The following PAK2 variants were observed in gnomAD, a reference collection of about 807,000 sequenced individuals.
PAK2 encodes the protein p21 (RAC1) activated kinase 2, also known as serine/threonine-protein kinase PAK 2.
A neutral mutation model predicts 65.9 loss-of-function variants in PAK2; 21 were observed. The observed-to-expected ratio is 0.32, with a 90% CI of 0.23 to 0.46. The LOEUF (loss-of-function observed/expected upper bound fraction) is 0.46. Ranked by LOEUF, PAK2 falls within the 20% of genes least tolerant of loss-of-function variation. The pLI is 1.00. For synonymous variants in PAK2, 204 were observed against 219.7 expected, an observed-to-expected ratio of 0.93 and a Z score of 0.63; for missense variants, 324 against 642.6, an observed-to-expected ratio of 0.50 and a Z score of 5.36.
intron 1 of PAK2, among the ~76,000 whole-genome samples, chr3:196,751,694 T>TATATATATA (rs1211217848): frequency 1.0e-3 from 47 of 45,530 alleles, no homozygotes; most frequent in Non-Finnish European, 1.6e-3. Context: ...TATATATATA[T>TATATATATA]AATTCAGGCT....
intron 1 of PAK2, among the ~76,000 whole-genome samples, chr3:196,764,567 C>T (rs1374494714): frequency 2.7e-5 from 4 of 149,832 alleles, no homozygotes; most frequent in Non-Finnish European, 5.9e-5. Flanking sequence ...TGCAGTGAGC[C>T]GAGATTGTGC....
At chr3:196,788,069 T>C (rs1034007680) in intron 2 of PAK2, among the ~76,000 whole-genome samples, 1 of 152,262 alleles carries the variant, frequency 6.6e-6, no homozygotes, top group African/African-American at 2.4e-5. Context: ...ATTTTCCCAC[T>C]GACATCCTAA....
chr3:196,812,156 T>C (rs1024141742), intron 8 of PAK2, 63 bp from the exon 9 acceptor site: 32 of 900,572 alleles, frequency 3.6e-5, no homozygotes, highest in Admixed American at 8.5e-5. Flanking sequence ...GTAAAGTCTT[T>C]GGATATTGCA....
chr3:196,754,678 A>G (rs1163285230), intron 1 of PAK2, among the ~76,000 whole-genome samples: 1 of 152,188 alleles, frequency 6.6e-6, no homozygotes, highest in Non-Finnish European at 1.5e-5. Context: ...TAAACCTCCC[A>G]GGAAGCAGTG....
chr3:196,759,489 G>GTTTTTTTTTTTTT lies in PAK2; in HGVS notation c.-22+19340_-22+19341insTTTTTTTTTTTTT, dbSNP rs1418582155. Among the ~76,000 whole-genome samples, 45 of 98,866 alleles carry GTTTTTTTTTTTTT rather than the reference G, an allele frequency of 4.6e-4. 2 individuals carry two copies. Among genetic ancestry groups the GTTTTTTTTTTTTT allele is most frequent in the South Asian group, 1.0e-3 (3 of 2,858 alleles). The allele number at this position is 98,866 out of a possible 152,430, so 64.9% of individuals were successfully genotyped here. On this transcript the variant is annotated intron_variant, in intron 1 of 14. Transcript: ENST00000327134. ...ACCCTTTAAGGTATACAGTTAAGTG[G>GTTTTTTTTTTTTT]TTTTTTTTGTTTTTTTTTTTTTTTT...
chr3:196,822,665 A>C (rs1184494524), intron 13 of PAK2, among the ~76,000 whole-genome samples: 3 of 152,072 alleles, frequency 2.0e-5, no homozygotes. Context: ...ACATCACTGC[A>C]CTCCAGCTTG....
At chr3:196,821,980 C>G (rs963121194) in intron 13 of PAK2, among the ~76,000 whole-genome samples, 2 of 152,206 alleles carry the variant, frequency 1.3e-5, no homozygotes, top group Non-Finnish European at 2.9e-5. Flanking sequence ...CGTGTTACAG[C>G]ATTGAACCTT....
chr3:196,775,485 C>T (rs529208374), intron 1 of PAK2, among the ~76,000 whole-genome samples: 14 of 152,238 alleles, frequency 9.2e-5, no homozygotes, highest in African/African-American at 3.4e-4. Context: ...CGGGTTCAAG[C>T]AATTCTCCTG....
At chr3:196,774,429 G>C (rs192494736) in intron 1 of PAK2, among the ~76,000 whole-genome samples, 1 of 152,198 alleles carries the variant, frequency 6.6e-6, no homozygotes, top group Non-Finnish European at 1.5e-5. Flanking sequence ...TGTGTAACTC[G>C]AGTTTAGAGG....
rs1713871725 is a variant in PAK2 at position 196,759,430 on chromosome 3, T to G, written c.-22+19273T>G. ...CTTTTCCTTAAAAATTCCTTAAATT[T>G]TAAAAAAACAGATATTCATATACAG... is the stretch of plus-strand genomic sequence containing the variant. On this transcript the variant is annotated intron_variant, in intron 1 of 14. Transcript: ENST00000327134. Among the ~76,000 whole-genome samples the G allele has an allele frequency of 2.7e-5, 4 of 150,826 alleles. No individual in the cohort carries two copies. In the South Asian group the frequency reaches 8.4e-4, roughly 32 times the overall value.
At chr3:196,753,003 C>T (rs1256903564) in intron 1 of PAK2, among the ~76,000 whole-genome samples, 3 of 149,870 alleles carry the variant, frequency 2.0e-5, no homozygotes, top group Non-Finnish European at 4.4e-5. Context: ...TTTTTTGAGA[C>T]GGAGTCTCCC....
chr3:196,804,302 G>A (rs1295944293), intron 4 of PAK2, among the ~76,000 whole-genome samples: 5 of 152,106 alleles, frequency 3.3e-5, no homozygotes, highest in Non-Finnish European at 7.4e-5. Context: ...CTAGTACACC[G>A]TTAGGAAAAG....
intron 1 of PAK2, among the ~76,000 whole-genome samples, chr3:196,763,135 C>T (rs1302768104): frequency 2.0e-5 from 3 of 152,068 alleles, no homozygotes; most frequent in African/African-American, 4.8e-5. Context: ...TTGGAGAGAG[C>T]GTGGTTGTAA....
At chr3:196,762,675 G>GGGGAGA (rs574025929) in intron 1 of PAK2, among the ~76,000 whole-genome samples, 8 of 151,688 alleles carry the variant, frequency 5.3e-5, no homozygotes, top group South Asian at 4.2e-4. Flanking sequence ...GGGAGACCGT[G>GGGGAGA]GGGAGAGGGA....
chr3:196,748,296 G>A (rs1396708529), intron 1 of PAK2, among the ~76,000 whole-genome samples: 1 of 152,088 alleles, frequency 6.6e-6, no homozygotes, highest in Non-Finnish European at 1.5e-5. Flanking sequence ...GCATCACTGT[G>A]GTATATTTGG....
chr3:196,827,855 C>T (rs1283426199), intron 14 of PAK2, among the ~76,000 whole-genome samples: 1 of 149,950 alleles, frequency 6.7e-6, no homozygotes, highest in African/African-American at 2.5e-5. Context: ...ACAGTTTGTG[C>T]ATCGTATCAA....
chr3:196,826,946 A>G (rs935700994), intron 13 of PAK2, among the ~76,000 whole-genome samples: 4 of 152,150 alleles, frequency 2.6e-5, no homozygotes, highest in Non-Finnish European at 5.9e-5. Context: ...AACAAAAGCA[A>G]TATGTATTGC....
intron 1 of PAK2, among the ~76,000 whole-genome samples, chr3:196,770,531 A>T (rs1462164162): frequency 1.3e-5 from 2 of 151,836 alleles, no homozygotes; most frequent in Non-Finnish European, 1.5e-5. Flanking sequence ...GCAAGACCCC[A>T]TCTCTTAAAA....
At chr3:196,789,942 ACAGGAGGTGGCGCT>A (rs1420107941) in intron 2 of PAK2, among the ~76,000 whole-genome samples, 2 of 152,112 alleles carry the variant, frequency 1.3e-5, no homozygotes, top group African/African-American at 4.8e-5. Context: ...CACTGATCTG[ACAGGAGGTGGCGCT>A]CAGGCGGTGG....
Sources: allele counts gnomAD v4.1 joint callset (sites outside exome capture counted in the v4.1 genomes callset), GRCh38; gene constraint gnomAD v4.1.1; transcripts MANE v1.5; gene names NCBI Gene and HGNC (gene_info 2026-07-23, HGNC 2026-07-21).